MAF: variants seen among roughly 807,000 people sequenced by gnomAD.
MAF encodes MAF bZIP transcription factor, also known as transcription factor Maf.
A neutral mutation model predicts 22.0 loss-of-function variants in MAF; 10 were observed. The observed-to-expected ratio is 0.45, with a 90% CI of 0.28 to 0.77. The LOEUF is 0.77. MAF is among the 30% of genes least tolerant of loss of function. The probability of loss-of-function intolerance (pLI) is 0.12; values close to 1 mark genes in which losing one functional copy is unlikely to be tolerated. For missense variants in MAF, 544 were observed against 548.4 expected (o/e 0.99, Z 0.08); for synonymous variants, 337 against 255.8 (o/e 1.32, Z -3.03).
intron 1 of MAF, among the ~76,000 whole-genome samples, chr16:79,587,420 T>C (rs927950014): frequency 4.1e-5 from 6 of 145,910 alleles, no homozygotes; most frequent in East Asian, 2.3e-4. Flanking sequence ...ACTTCCCCGA[T>C]AGGATTACTT....
the MAF span, among the ~76,000 whole-genome samples, chr16:79,572,526 T>A: frequency 6.6e-6 from 1 of 152,168 alleles, no homozygotes; most frequent in Non-Finnish European, 1.5e-5. Flanking sequence ...AAATTCAGGT[T>A]GATCAGGAGG....
the MAF span, among the ~76,000 whole-genome samples, chr16:79,395,182 G>C: frequency 6.6e-6 from 1 of 152,200 alleles, no homozygotes; most frequent in Non-Finnish European, 1.5e-5. Context: ...TTGCGATGAG[G>C]TTGAAGGGGC....
the MAF span, among the ~76,000 whole-genome samples, chr16:79,322,018 G>A: frequency 6.6e-6 from 1 of 152,246 alleles, no homozygotes. Flanking sequence ...GATCACCTGA[G>A]GTCAGAGGTT....
At chr16:79,520,036 G>C in the MAF span, among the ~76,000 whole-genome samples, 1 of 152,218 alleles carries the variant, frequency 6.6e-6, no homozygotes, top group African/African-American at 2.4e-5. Flanking sequence ...TACCCCAAGC[G>C]TGTGCTGACA....
chr16:79,478,228 T>C, the MAF span, among the ~76,000 whole-genome samples: 1 of 152,232 alleles, frequency 6.6e-6, no homozygotes, highest in African/African-American at 2.4e-5. Flanking sequence ...TCAATCACAG[T>C]TAGCCTTGAG....
the MAF span, among the ~76,000 whole-genome samples, chr16:79,404,164 CTTT>C: frequency 1.6e-5 from 2 of 122,056 alleles, no homozygotes. Context: ...TCTGGATTTT[CTTT>C]TTTTTTTTTT....
chr16:79,242,471 T>C, the MAF span, among the ~76,000 whole-genome samples: 3 of 150,890 alleles, frequency 2.0e-5, no homozygotes, highest in Non-Finnish European at 4.4e-5. Flanking sequence ...CATTACATAA[T>C]ACTAAAGGGA....
At chr16:79,542,314 G>C in the MAF span, among the ~76,000 whole-genome samples, 2 of 152,170 alleles carry the variant, frequency 1.3e-5, no homozygotes, top group Non-Finnish European at 2.9e-5. Context: ...CCTCTCGCTA[G>C]CTAGGTCTGG....
the MAF span, among the ~76,000 whole-genome samples, chr16:79,407,555 C>T: frequency 2.4e-4 from 36 of 152,226 alleles, no homozygotes; most frequent in South Asian, 6.6e-3. Flanking sequence ...TAGCTGAACT[C>T]ACGGTTTAAT....
At chr16:79,211,586 G>GTCTT in the MAF span, 33 of 1,613,686 alleles carry the variant, frequency 2.0e-5, no homozygotes, top group Middle Eastern at 3.3e-4. Context: ...ATTTTTTTTT[G>GTCTT]TCTTTCTTCT....
the MAF span, among the ~76,000 whole-genome samples, chr16:79,565,508 G>GT: frequency 8.2e-6 from 1 of 122,418 alleles, no homozygotes; most frequent in Non-Finnish European, 1.9e-5. Flanking sequence ...ACGTGTTGTG[G>GT]GGGGGGGGAC....
the MAF span, among the ~76,000 whole-genome samples, chr16:79,507,951 A>C: frequency 6.6e-6 from 1 of 152,136 alleles, no homozygotes; most frequent in Non-Finnish European, 1.5e-5. Context: ...CATTCTTTTT[A>C]AGTGGGGGAA....
At chr16:79,563,756 C>G in the MAF span, among the ~76,000 whole-genome samples, 1 of 130,056 alleles carries the variant, frequency 7.7e-6, no homozygotes, top group East Asian at 1.9e-4. Context: ...CACACACACA[C>G]ACACACAAAC....
chr16:79,474,272 C>A, the MAF span, among the ~76,000 whole-genome samples: 1 of 152,182 alleles, frequency 6.6e-6, no homozygotes, highest in Non-Finnish European at 1.5e-5. Flanking sequence ...GTATTCGCCT[C>A]TTTGGGGGAA....
chr16:79,425,079 T>C, the MAF span, among the ~76,000 whole-genome samples: 2 of 152,200 alleles, frequency 1.3e-5, no homozygotes, highest in African/African-American at 2.4e-5. Flanking sequence ...GTAGCCTTTT[T>C]CCCCATATAC....
At chr16:79,237,879 C>T in the MAF span, among the ~76,000 whole-genome samples, 1 of 152,048 alleles carries the variant, frequency 6.6e-6, no homozygotes. Flanking sequence ...GTGAGGGACC[C>T]CTGGTCTAGC....
the MAF span, among the ~76,000 whole-genome samples, chr16:79,392,619 A>G: frequency 2.0e-5 from 3 of 152,156 alleles, no homozygotes; most frequent in African/African-American, 7.2e-5. Flanking sequence ...TAGCCAAAAC[A>G]ATGCCTAGGA....
chr16:79,266,600 T>A, the MAF span, among the ~76,000 whole-genome samples: 1 of 152,240 alleles, frequency 6.6e-6, no homozygotes, highest in African/African-American at 2.4e-5. Flanking sequence ...TTTCCTCACC[T>A]CTGATGCTGC....
chr16:79,218,780 G>C, the MAF span, among the ~76,000 whole-genome samples: 2 of 152,146 alleles, frequency 1.3e-5, no homozygotes, highest in African/African-American at 4.8e-5. Context: ...AGTTTGGGCA[G>C]AAAAATACCA....
Sources: allele counts gnomAD v4.1 joint callset (sites outside exome capture counted in the v4.1 genomes callset), GRCh38; gene constraint gnomAD v4.1.1; transcripts MANE v1.5; gene names NCBI Gene and HGNC (gene_info 2026-07-23, HGNC 2026-07-21).